ENOX2: variants seen among roughly 807,000 people sequenced by gnomAD.
The protein encoded by ENOX2 is APK1 antigen.
Under a neutral mutation model 45.0 loss-of-function variants are expected in ENOX2, and 36 were observed. The ratio of observed to expected loss-of-function variants is 0.80; its 90% CI spans 0.61 to 1.06. ENOX2 has a LOEUF of 1.06. ENOX2 is among the 50% of genes least tolerant of loss of function. The pLI, the probability that ENOX2 is intolerant of heterozygous loss-of-function variation, is 0.00. For synonymous variants in ENOX2, 174 were observed against 152.3 expected (o/e 1.14, Z -1.05); for missense variants, 423 against 462.5 (o/e 0.91, Z 0.78).
chrX:130,634,610 T>C (rs993698735), intron 12 of ENOX2, among the ~76,000 whole-genome samples: 2 of 112,223 alleles, frequency 1.8e-5, no homozygotes, highest in African/African-American at 3.2e-5. Context: ...GTTTCTTCCT[T>C]TAATGAAATG....
intron 3 of ENOX2, among the ~76,000 whole-genome samples, chrX:130,722,002 AG>A (rs2038490834): frequency 1.8e-5 from 2 of 112,010 alleles, no homozygotes; most frequent in Admixed American, 9.5e-5. Context: ...ATAGTGTAAG[AG>A]TCCATCTTTG....
At chrX:130,760,679 G>A (rs563251094) in intron 3 of ENOX2, among the ~76,000 whole-genome samples, 1 of 104,373 alleles carries the variant, frequency 9.6e-6, no homozygotes, top group Non-Finnish European at 2.0e-5. Context: ...CCAGCTACTC[G>A]GGAGCCTGAG....
chrX:130,873,303 T>C (rs1027750403), intron 2 of ENOX2, among the ~76,000 whole-genome samples: 3 of 112,225 alleles, frequency 2.7e-5, no homozygotes, highest in African/African-American at 9.7e-5. Context: ...AAGCTCAATA[T>C]CACTGGTCAT....
At chrX:130,898,727 CTTTT>C (rs1007829022) in intron 2 of ENOX2, among the ~76,000 whole-genome samples, 2 of 103,885 alleles carry the variant, frequency 1.9e-5, no homozygotes, top group African/African-American at 7.1e-5. Context: ...TTAAGATGTT[CTTTT>C]TTTTCTTTTT....
chrX:130,627,130 AC>A (rs761236012), intron 14 of ENOX2, among the ~76,000 whole-genome samples: 1 of 111,656 alleles, frequency 9.0e-6, no homozygotes, highest in South Asian at 3.8e-4. Context: ...AGTCTGTGTT[AC>A]AGAGGCTCTC....
In ENOX2 at chrX:130,772,780, C is replaced by T. The variant is rs151232379; in HGVS notation, c.-39+10767G>A. ...CTCCTCCCCACGAAGCTTCCTTGAC[C>T]GACCAGAAGAAAGCAGATGGCTTCT... On this transcript the variant is annotated intron_variant, in intron 3 of 14. Transcript: ENST00000394363. Among the ~76,000 whole-genome samples the T allele has an allele frequency of 1.7e-4, 19 of 112,089 alleles. No homozygotes were observed. The East Asian group carries it at 4.2e-3, about 25-fold the overall frequency.
chrX:130,895,756 T>A, intron 2 of ENOX2, among the ~76,000 whole-genome samples: 1 of 112,302 alleles, frequency 8.9e-6, no homozygotes, highest in Middle Eastern at 4.6e-3. Context: ...TTTCTCCTCC[T>A]AGATTGCCAA....
intron 3 of ENOX2, among the ~76,000 whole-genome samples, chrX:130,734,036 C>T (rs1193038859): frequency 8.9e-6 from 1 of 112,310 alleles, no homozygotes; most frequent in Non-Finnish European, 1.9e-5. Flanking sequence ...AAAATAGTCT[C>T]TGCCATTTGC....
At chrX:130,690,176 G>A (rs2037555218) in intron 4 of ENOX2, among the ~76,000 whole-genome samples, 1 of 111,458 alleles carries the variant, frequency 9.0e-6, no homozygotes, top group Admixed American at 9.5e-5. Context: ...AGACACTGGA[G>A]GGGAACTTAG....
intron 6 of ENOX2, among the ~76,000 whole-genome samples, chrX:130,677,842 T>C (rs747079519): frequency 1.8e-5 from 2 of 111,103 alleles, no homozygotes; most frequent in African/African-American, 6.5e-5. Flanking sequence ...ATCCCAGCAC[T>C]TTGGGAAGCC....
intron 3 of ENOX2, among the ~76,000 whole-genome samples, chrX:130,770,283 A>G (rs936261936): frequency 3.6e-5 from 4 of 112,063 alleles, no homozygotes; most frequent in African/African-American, 1.3e-4. Context: ...TTTTCTAATT[A>G]TAGAATTAGG....
chrX:130,822,742 C>T (rs2077641156), intron 2 of ENOX2, among the ~76,000 whole-genome samples: 1 of 109,805 alleles, frequency 9.1e-6, no homozygotes, highest in South Asian at 3.9e-4. Flanking sequence ...CAAACCTGCA[C>T]GTTGTGCACA....
At chrX:130,831,030 C>A (rs368149598) in intron 2 of ENOX2, among the ~76,000 whole-genome samples, 4 of 111,670 alleles carry the variant, frequency 3.6e-5, no homozygotes, top group African/African-American at 1.3e-4. Context: ...CATCATAACA[C>A]GGCTGAAGGG....
chrX:130,861,800 CAAAT>C (rs2078413837), intron 2 of ENOX2, among the ~76,000 whole-genome samples: 1 of 111,041 alleles, frequency 9.0e-6, no homozygotes, highest in East Asian at 2.8e-4. Flanking sequence ...GTCATATACA[CAAAT>C]AATAATAAAT....
intron 2 of ENOX2, among the ~76,000 whole-genome samples, chrX:130,901,088 GT>G (rs745466914): frequency 5.5e-4 from 62 of 112,912 alleles, no homozygotes; most frequent in Non-Finnish European, 8.6e-4. Context: ...ATTAGCTACA[GT>G]TGCAATGACA....
chrX:130,729,153 A>G (rs1259295851), intron 3 of ENOX2, among the ~76,000 whole-genome samples: 2 of 111,861 alleles, frequency 1.8e-5, no homozygotes, highest in Non-Finnish European at 3.8e-5. Context: ...ATGACTACCC[A>G]TACAACCCTT....
At chrX:130,865,376 G>T (rs1345759172) in intron 2 of ENOX2, among the ~76,000 whole-genome samples, 1 of 111,573 alleles carries the variant, frequency 9.0e-6, no homozygotes, top group African/African-American at 3.3e-5. Flanking sequence ...AATCAGCAAG[G>T]CTAAACGATC....
At chrX:130,794,640 A>C (rs747679680) in intron 2 of ENOX2, among the ~76,000 whole-genome samples, 107 of 112,807 alleles carry the variant, frequency 9.5e-4, no homozygotes, top group Non-Finnish European at 1.7e-3. Context: ...CTGTCAAATA[A>C]ATCTGCATTT....
chrX:130,655,627 AG>A (rs1236483252), intron 10 of ENOX2, among the ~76,000 whole-genome samples: 1 of 112,008 alleles, frequency 8.9e-6, no homozygotes, highest in African/African-American at 3.2e-5. Context: ...AATCCCTGTT[AG>A]ATGTTTTTTT....
Sources: gnomAD v4.1 joint callset for allele counts (sites outside exome capture counted in the v4.1 genomes callset) on GRCh38, gnomAD v4.1.1 for gene constraint, MANE v1.5 for transcripts, NCBI Gene and HGNC (gene_info 2026-07-23, HGNC 2026-07-21) for gene names.